Variants in CCDC122 observed in about 807,000 individuals in gnomAD.
The protein encoded by CCDC122 is coiled-coil domain containing 122.
A neutral mutation model predicts 37.0 loss-of-function variants in CCDC122; 38 were observed. That is an observed-to-expected ratio of 1.03 (90% CI 0.79 to 1.35). The LOEUF (loss-of-function observed/expected upper bound fraction) is 1.35. Ranked by LOEUF, CCDC122 falls within the 40% of genes most tolerant of loss-of-function variation. The probability of loss-of-function intolerance (pLI) is 0.00; values close to 1 mark genes in which losing one functional copy is unlikely to be tolerated. For synonymous variants in CCDC122, 83 were observed against 95.6 expected (o/e 0.87, Z 0.77); for missense variants, 305 against 310.0 (o/e 0.98, Z 0.12).
intron 3 of CCDC122, among the ~76,000 whole-genome samples, chr13:43,827,031 C>T (rs1953047325): frequency 6.6e-6 from 1 of 152,050 alleles, no homozygotes. Context: ...ACTTGGTTAG[C>T]TATATTTTCA....
At chr13:43,835,569 AACTTAC>A (rs1953142235), downstream of CCDC122, among the ~76,000 whole-genome samples, 2 of 152,196 alleles carry the variant, frequency 1.3e-5, no homozygotes, top group Non-Finnish European at 1.5e-5. Context: ...ACTACATTAA[AACTTAC>A]TTTTAAAAAT....
At chr13:43,877,756 GTTT>G (rs1482860701) in intron 1 of CCDC122, 1 of 152,170 alleles carries the variant, frequency 6.6e-6, no homozygotes, top group Non-Finnish European at 1.5e-5. Context: ...GGAATAGGGT[GTTT>G]TTATTTTTTC....
rs1208432837 is a variant in CCDC122, at chr13:43,858,856, T to G, written c.597A>C (p.Lys199Asn). ...AACAAGTTTTTTCAATGATAGATTCTTTTACAGTTATAATTTTATCCTTTA... is the reference window on the plus strand; with the variant it reads ...AACAAGTTTTTTCAATGATAGATTCGTTTACAGTTATAATTTTATCCTTTA... ...TNLKDKIITV[K>N]ESIIEKTCFL... Residue 199 changes from lysine (K) to asparagine (N), a missense_variant, in exon 6 of 7, where the codon AAA (lysine) becomes AAC (asparagine). Lys to Asn is a moderately conservative substitution (Grantham distance 94). Coordinates refer to ENST00000444614, the MANE Select transcript of CCDC122 (RefSeq NM_144974.5). The G allele has an allele frequency of 7.1e-7, 1 of 1,415,816 alleles. No homozygotes were observed. The highest frequency in any genetic ancestry group is 2.5e-5 in the East Asian group (1 of 39,220). The allele number at this position is 1,415,816 out of a possible 1,614,324, so 87.7% of individuals were successfully genotyped here. A position where few individuals can be genotyped will look rare whatever the true frequency, so the allele number is the denominator to read the frequency against.
At chr13:43,863,599 T>C (rs1224405590) in intron 4 of CCDC122, among the ~76,000 whole-genome samples, 3 of 152,214 alleles carry the variant, frequency 2.0e-5, no homozygotes, top group African/African-American at 7.2e-5. Flanking sequence ...CTAACAGGTC[T>C]GAGAGTTCCA....
At chr13:43,820,919 T>C (rs1334926975), downstream of CCDC122, among the ~76,000 whole-genome samples, 3 of 152,216 alleles carry the variant, frequency 2.0e-5, no homozygotes, top group Non-Finnish European at 4.4e-5. Context: ...AAAACACACA[T>C]GCTATTGAGA....
chr13:43,859,381 A>C (rs1954030431), intron 5 of CCDC122, among the ~76,000 whole-genome samples: 1 of 152,068 alleles, frequency 6.6e-6, no homozygotes, highest in African/African-American at 2.4e-5. Flanking sequence ...TGTGAATTAC[A>C]TTTTCTACAA....
At chr13:43,835,827 C>T (rs1953147959), downstream of CCDC122, among the ~76,000 whole-genome samples, 1 of 152,158 alleles carries the variant, frequency 6.6e-6, no homozygotes, top group Non-Finnish European at 1.5e-5. Flanking sequence ...TTGGTTCTGG[C>T]TTATCTCCAG....
At chr13:43,844,102 A>C (rs1432809250) in intron 6 of CCDC122, among the ~76,000 whole-genome samples, 3 of 151,800 alleles carry the variant, frequency 2.0e-5, no homozygotes, top group South Asian at 2.1e-4. Context: ...TTATTTTTCT[A>C]GTCTGTGATG....
chr13:43,820,588 G>A (rs935037852), downstream of CCDC122, among the ~76,000 whole-genome samples: 1 of 152,154 alleles, frequency 6.6e-6, no homozygotes, highest in Non-Finnish European at 1.5e-5. Flanking sequence ...GCTTTGAAAA[G>A]GGAATCTGGC....
At chr13:43,875,428 T>A (rs1954577024) in intron 1 of CCDC122, among the ~76,000 whole-genome samples, 2 of 152,160 alleles carry the variant, frequency 1.3e-5, no homozygotes, top group South Asian at 4.1e-4. Flanking sequence ...TTTTGCAGAT[T>A]TAACTGGGTT....
At chr13:43,861,157 G>A (rs1229588240) in intron 4 of CCDC122, among the ~76,000 whole-genome samples, 1 of 152,120 alleles carries the variant, frequency 6.6e-6, no homozygotes, top group Admixed American at 6.6e-5. Context: ...GGGGTGTCTT[G>A]GCTTTGCTTT....
chr13:43,867,898 C>A (rs1954325247), intron 4 of CCDC122, among the ~76,000 whole-genome samples: 1 of 152,014 alleles, frequency 6.6e-6, no homozygotes, highest in East Asian at 1.9e-4. Context: ...GCACTTAAAA[C>A]CAGTGATACT....
intron 1 of CCDC122, among the ~76,000 whole-genome samples, chr13:43,876,779 A>G (rs892481499): frequency 6.6e-6 from 1 of 152,346 alleles, no homozygotes; most frequent in Admixed American, 6.5e-5. Flanking sequence ...TATGTTTAAT[A>G]TTTTGGAAAG....
chr13:43,849,010 A>C, intron 6 of CCDC122: 1 of 958,178 alleles, frequency 1.0e-6, no homozygotes, highest in Non-Finnish European at 1.2e-6. Flanking sequence ...TCATGGAATA[A>C]ATAAAATTAT....
intron 2 of CCDC122, among the ~76,000 whole-genome samples, chr13:43,871,076 T>C (rs779782122): frequency 3.1e-4 from 47 of 152,100 alleles, no homozygotes; most frequent in Admixed American, 3.3e-4. Context: ...GTATACTGTA[T>C]ATTTGATACT....
At chr13:43,844,454 A>T (rs867573713) in intron 6 of CCDC122, among the ~76,000 whole-genome samples, 1 of 152,022 alleles carries the variant, frequency 6.6e-6, no homozygotes, top group Non-Finnish European at 1.5e-5. Context: ...ATGTACACTT[A>T]AAGTGTAATC....
chr13:43,827,962 G>T (rs1953055230), intron 3 of CCDC122, among the ~76,000 whole-genome samples: 1 of 152,188 alleles, frequency 6.6e-6, no homozygotes, highest in South Asian at 2.1e-4. Flanking sequence ...GCTTAGAGAA[G>T]AGTTAGAATT....
intron 6 of CCDC122, chr13:43,856,616 C>T (rs9567287): frequency 5.2e-5 from 8 of 154,480 alleles, no homozygotes; most frequent in African/African-American, 1.8e-4. Context: ...GGCGATGGGG[C>T]GAGACTCTGT....
chr13:43,839,902 G>A (rs1953286288), intron 6 of CCDC122, among the ~76,000 whole-genome samples: 1 of 152,176 alleles, frequency 6.6e-6, no homozygotes, highest in African/African-American at 2.4e-5. Flanking sequence ...AGAGACTCCA[G>A]GGGTGCCTCG....
Sources: gnomAD v4.1 joint callset for allele counts (sites outside exome capture counted in the v4.1 genomes callset) on GRCh38, gnomAD v4.1.1 for gene constraint, MANE v1.5 for transcripts, NCBI Gene and HGNC (gene_info 2026-07-23, HGNC 2026-07-21) for gene names.